The following GRM7 variants were observed in gnomAD, a reference collection of about 807,000 sequenced individuals.
GRM7 encodes metabotropic glutamate receptor 7.
A neutral mutation model predicts 84.5 loss-of-function variants in GRM7; 35 were observed. That is an observed-to-expected ratio of 0.41 (90% CI 0.32 to 0.55). The LOEUF is 0.55. GRM7 is among the 20% of genes least tolerant of loss of function. The pLI is 0.19. For synonymous variants in GRM7, 487 were observed against 455.1 expected, an observed-to-expected ratio of 1.07 and a Z score of -0.89; for missense variants, 1,003 against 1,194.6, an observed-to-expected ratio of 0.84 and a Z score of 2.36.
At chr3:7,498,965 A>T (rs1699794368) in intron 7 of GRM7, among the ~76,000 whole-genome samples, 1 of 152,122 alleles carries the variant, frequency 6.6e-6, no homozygotes, top group African/African-American at 2.4e-5. Context: ...TAATGGGAAA[A>T]CAGTGACTGG....
At position 7,708,096 on chromosome 3, in the gene GRM7, C is replaced by G. The variant is rs529571687; in HGVS notation, c.2698+27801C>G. ...ATTATAGGATTTTACAGGATATAAA[C>G]TGGTTTCTGTCATTTTATTTGCCTC... On this transcript the variant is annotated intron_variant, in intron 9 of 9. Transcript: ENST00000357716. Among the ~76,000 whole-genome samples, 3 of 151,694 alleles carry G rather than the reference C, an allele frequency of 2.0e-5. No homozygotes were observed. The South Asian group carries it at 6.2e-4, about 32-fold the overall frequency.
chr3:7,015,538 A>G (rs1021012397), intron 1 of GRM7, among the ~76,000 whole-genome samples: 1 of 152,242 alleles, frequency 6.6e-6, no homozygotes, highest in Non-Finnish European at 1.5e-5. Flanking sequence ...GATTAAAATA[A>G]TGAAAACATA....
chr3:7,029,107 C>T (rs1458185942), intron 1 of GRM7, among the ~76,000 whole-genome samples: 2 of 152,022 alleles, frequency 1.3e-5, no homozygotes, highest in Non-Finnish European at 2.9e-5. Context: ...AGTTCAAGAC[C>T]AGCCTGGCTA....
In GRM7 at chr3:6,976,478, C is replaced by G. The variant is rs544684608; in HGVS notation, c.519+114571C>G. ...TTTCCAGGGACAGAGTCAGTTTGCA[C>G]TTTATTGTTCCAGTGTTACCTGGTT... On this transcript the variant is annotated intron_variant, in intron 1 of 9. Transcript: ENST00000357716. 6.2e-4 allele frequency among the ~76,000 whole-genome samples: 95 copies of G among 152,296 alleles called. 1 individual carries two copies. The South Asian group carries it at 6.6e-3, about 11-fold the overall frequency.
At chr3:7,072,999 G>A (rs1399443240) in intron 1 of GRM7, among the ~76,000 whole-genome samples, 2 of 152,092 alleles carry the variant, frequency 1.3e-5, no homozygotes, top group African/African-American at 4.8e-5. Context: ...GTTGAAAAGT[G>A]GAAATTAGTG....
intron 2 of GRM7, among the ~76,000 whole-genome samples, chr3:7,278,402 A>G (rs1175270199): frequency 3.3e-5 from 5 of 152,236 alleles, no homozygotes; most frequent in African/African-American, 1.2e-4. Context: ...AAAACATGTT[A>G]TTAAATTAAT....
chr3:7,007,265 T>C (rs1334555685), intron 1 of GRM7, among the ~76,000 whole-genome samples: 2 of 152,178 alleles, frequency 1.3e-5, no homozygotes. Context: ...CAAACGGAGA[T>C]GATGGCCACA....
At chr3:7,587,533 A>G (rs763606819) in intron 8 of GRM7, among the ~76,000 whole-genome samples, 4 of 152,220 alleles carry the variant, frequency 2.6e-5, no homozygotes, top group Non-Finnish European at 5.9e-5. Flanking sequence ...AGAGACGGGT[A>G]GAGGCAAAGC....
Position 7,333,091 on chromosome 3 carries a change from C to A in GRM7, c.1033+26439C>A, listed in dbSNP as rs144676212. Among the ~76,000 whole-genome samples the A allele has an allele frequency of 5.3e-4, 81 of 152,232 alleles. No individual in the cohort carries two copies. In the East Asian group the frequency reaches 8.3e-3, roughly 16 times the overall value. The stretch of plus-strand genomic sequence containing the variant: ...AGCAACTCATAACAGAACAACCCTG[C>A]TCCAAAGAATGAAAAAACAACAGCT... On this transcript the variant is annotated intron_variant, in intron 4 of 9. Transcript: ENST00000357716.
intron 1 of GRM7, among the ~76,000 whole-genome samples, chr3:7,064,250 C>T (rs13327497): frequency 0.26 from 38,464 of 149,338 alleles, 5,725 homozygotes; most frequent in African/African-American, 0.41. Flanking sequence ...ACTCTTCCCC[C>T]CAAGTCCCCA....
At chr3:7,293,013 G>C (rs1278757962) in intron 2 of GRM7, among the ~76,000 whole-genome samples, 1 of 133,054 alleles carries the variant, frequency 7.5e-6, no homozygotes, top group Non-Finnish European at 1.5e-5. Flanking sequence ...CAGCCTGGGG[G>C]ACAAGAGCGA....
chr3:7,703,345 C>A (rs1221753326), intron 9 of GRM7, among the ~76,000 whole-genome samples: 1 of 152,084 alleles, frequency 6.6e-6, no homozygotes, highest in Admixed American at 6.5e-5. Flanking sequence ...CCGATGCATG[C>A]TACTGTAAGT....
chr3:7,021,543 C>T (rs1695775385), intron 1 of GRM7, among the ~76,000 whole-genome samples: 1 of 152,164 alleles, frequency 6.6e-6, no homozygotes, highest in South Asian at 2.1e-4. Context: ...CTCAGTTCTG[C>T]CCAGGACTCA....
chr3:7,453,750 G>C (rs1399536301), intron 6 of GRM7, among the ~76,000 whole-genome samples: 1 of 151,942 alleles, frequency 6.6e-6, no homozygotes, highest in Non-Finnish European at 1.5e-5. Flanking sequence ...AGGCATGATC[G>C]ACAACCACGA....
chr3:7,004,058 G>C (rs1695100588), intron 1 of GRM7, among the ~76,000 whole-genome samples: 1 of 152,138 alleles, frequency 6.6e-6, no homozygotes, highest in Admixed American at 6.5e-5. Flanking sequence ...AATGGCTGCT[G>C]GCTTCCCCCA....
chr3:6,981,903 A>G (rs114127285), intron 1 of GRM7, among the ~76,000 whole-genome samples: 141 of 152,314 alleles, frequency 9.3e-4, no homozygotes, highest in African/African-American at 3.2e-3. Flanking sequence ...GATTTCTCAA[A>G]GAACTCAGAT....
At chr3:7,261,926 C>CTTCCCTCCCTCCCTTCCTCCCTTCG (rs1402366475) in intron 2 of GRM7, among the ~76,000 whole-genome samples, 1 of 139,138 alleles carries the variant, frequency 7.2e-6, no homozygotes, top group African/African-American at 2.6e-5. Flanking sequence ...TCCTCCCTTC[C>CTTCCCTCCCTCCCTTCCTCCCTTCG]TTCCCTCCTT....
chr3:7,455,826 G>C (rs1178132710), intron 6 of GRM7, among the ~76,000 whole-genome samples: 1 of 151,886 alleles, frequency 6.6e-6, no homozygotes, highest in African/African-American at 2.4e-5. Context: ...CATTCCATCA[G>C]TGTTAACTTA....
chr3:7,363,690 G>A (rs1258638952), intron 4 of GRM7, among the ~76,000 whole-genome samples: 1 of 152,048 alleles, frequency 6.6e-6, no homozygotes, highest in Admixed American at 6.6e-5. Flanking sequence ...CATCCAATAT[G>A]AGCACCTTCA....
Sources: allele counts gnomAD v4.1 joint callset (sites outside exome capture counted in the v4.1 genomes callset), GRCh38; gene constraint gnomAD v4.1.1; transcripts MANE v1.5; gene names NCBI Gene and HGNC (gene_info 2026-07-23, HGNC 2026-07-21).